Variants in FMN1 observed in about 807,000 individuals in gnomAD.
FMN1 encodes the protein formin-1.
FMN1 carries 110 observed loss-of-function variants against 132.4 expected under a neutral mutation model. That is an observed-to-expected ratio of 0.83 (90% CI 0.71 to 0.97). The LOEUF is 0.97. Ranked by LOEUF, FMN1 falls within the 50% of genes least tolerant of loss-of-function variation. The pLI is 0.00. For synonymous variants in FMN1, 722 were observed against 651.7 expected, an observed-to-expected ratio of 1.11 and a Z score of -1.64; for missense variants, 1,792 against 1,705.3, an observed-to-expected ratio of 1.05 and a Z score of -0.90.
At chr15:32,964,016 TAC>T (rs374980152) in intron 9 of FMN1, 89 bp downstream of exon 9, 10,833 of 507,190 alleles carry the variant, frequency 0.021, 38 homozygotes, top group South Asian at 0.029. Flanking sequence ...GTATATACGA[TAC>T]ACACACACAC....
chr15:32,987,830 T>C (rs904233069), intron 7 of FMN1, among the ~76,000 whole-genome samples: 2 of 152,128 alleles, frequency 1.3e-5, no homozygotes, highest in Admixed American at 6.6e-5. Flanking sequence ...GTACTAAAAC[T>C]TGGAGCTCAT....
At chr15:33,120,296 A>G (rs11072237) in intron 4 of FMN1, among the ~76,000 whole-genome samples, 15,976 of 152,218 alleles carry the variant, frequency 0.1, 888 homozygotes, top group Middle Eastern at 0.16. Flanking sequence ...TAAAGATAGC[A>G]GATGTGCTAA....
At chr15:32,863,946 C>G (rs2059335668) in intron 16 of FMN1, among the ~76,000 whole-genome samples, 1 of 152,126 alleles carries the variant, frequency 6.6e-6, no homozygotes. Context: ...TAATAAAATA[C>G]TAAAGTTAGA....
intron 16 of FMN1, among the ~76,000 whole-genome samples, chr15:32,859,458 C>A (rs1336448814): frequency 6.6e-6 from 1 of 152,218 alleles, no homozygotes; most frequent in African/African-American, 2.4e-5. Context: ...TCATGTGGTT[C>A]TCTGCTCTGC....
In FMN1 at chr15:32,830,814, A is replaced by G. The variant is rs1158528494; in HGVS notation, c.3928+26201T>C. 2.0e-5 allele frequency among the ~76,000 whole-genome samples: 3 copies of G among 152,168 alleles called. No individual in the cohort carries two copies. The East Asian group carries it at 5.8e-4, about 29-fold the overall frequency. ...CACATATGAAGAAAGGTGGAAATCA[A>G]TTAGGGGTAGGAGCAGCGAGGGCCC... On this transcript the variant is annotated intron_variant, in intron 17 of 20. Transcript: ENST00000616417.
intron 7 of FMN1, among the ~76,000 whole-genome samples, chr15:32,984,208 G>C (rs916023817): frequency 6.6e-5 from 10 of 151,684 alleles, no homozygotes; most frequent in Non-Finnish European, 8.8e-5. Flanking sequence ...TTTAAGTTTT[G>C]TTTTTCTTAA....
chr15:33,155,088 T>G lies in FMN1; in HGVS notation c.-131-43A>C. 5.2e-6 allele frequency: 3 copies of G among 581,924 alleles called. No individual in the cohort carries two copies. In the South Asian group the frequency reaches 6.7e-5, roughly 13 times the overall value. 36.0% of individuals were successfully genotyped at this position (581,924 alleles called of 1,614,324 possible). On this transcript the variant is annotated intron_variant, in intron 3 of 20. Coordinates refer to ENST00000616417, the MANE Select transcript of FMN1 (RefSeq NM_001277313.2). ...GAAGAAAGCAGCTTGTCTAACAGAG[T>G]GCATAAATCACACACCAACATAAAA...
chr15:33,067,692 C>A lies in FMN1; in HGVS notation c.2044-2618G>T, dbSNP rs144513408. 1.2e-5 allele frequency: 19 copies of A among 1,613,880 alleles called. No homozygotes were observed. The highest frequency in any genetic ancestry group is 1.4e-5 in the Non-Finnish European group (17 of 1,179,890). On this transcript the variant is annotated intron_variant, in intron 5 of 20. Coordinates refer to ENST00000616417, the MANE Select transcript of FMN1 (RefSeq NM_001277313.2). ...TCATCCTGCTGAGATGTGGGATTCA[C>A]GTCTAAACTATGGAATGCTTTCAGC...
intron 4 of FMN1, among the ~76,000 whole-genome samples, chr15:33,099,189 G>A (rs375247874): frequency 1.3e-5 from 2 of 152,190 alleles, no homozygotes; most frequent in Admixed American, 6.5e-5. Flanking sequence ...TACTCTGGAG[G>A]CTGAGGTGGG....
chr15:32,816,597 T>C (rs1284290612), intron 17 of FMN1, among the ~76,000 whole-genome samples: 1 of 152,202 alleles, frequency 6.6e-6, no homozygotes, highest in Non-Finnish European at 1.5e-5. Context: ...CCTAAGGTCA[T>C]ACAAATAGTT....
chr15:32,921,231 T>C (rs890534423), intron 10 of FMN1, among the ~76,000 whole-genome samples: 4 of 152,074 alleles, frequency 2.6e-5, no homozygotes, highest in African/African-American at 9.7e-5. Context: ...CCTAGCTACA[T>C]AGAGAGTGGG....
intron 7 of FMN1, among the ~76,000 whole-genome samples, chr15:33,007,731 G>C (rs1408906644): frequency 6.6e-6 from 1 of 152,100 alleles, no homozygotes; most frequent in Non-Finnish European, 1.5e-5. Flanking sequence ...TTATATAACA[G>C]CAGAAGTCTA....
chr15:32,817,507 T>C (rs996299859), intron 17 of FMN1, among the ~76,000 whole-genome samples: 1 of 152,230 alleles, frequency 6.6e-6, no homozygotes, highest in Non-Finnish European at 1.5e-5. Flanking sequence ...GCTCTGATGT[T>C]ACCAAGTATC....
intron 18 of FMN1, among the ~76,000 whole-genome samples, chr15:32,803,318 A>G (rs911697636): frequency 3.9e-5 from 6 of 152,192 alleles, no homozygotes; most frequent in African/African-American, 1.4e-4. Flanking sequence ...AAATATGAGA[A>G]TACCGCTGTC....
At chr15:32,969,532 A>G (rs1421024304) in intron 7 of FMN1, 55 bp from the exon 8 acceptor site, 1 of 1,564,072 alleles carries the variant, frequency 6.4e-7, no homozygotes, top group Non-Finnish European at 8.7e-7. Context: ...AACAAACTTA[A>G]GAATTTAGAA....
At chr15:32,863,498 C>G (rs1402910627) in intron 16 of FMN1, among the ~76,000 whole-genome samples, 1 of 152,160 alleles carries the variant, frequency 6.6e-6, no homozygotes, top group Non-Finnish European at 1.5e-5. Context: ...CTACTGAGCA[C>G]CTACTACGTG....
At chr15:32,807,824 T>C (rs559149572) in intron 17 of FMN1, among the ~76,000 whole-genome samples, 1 of 152,240 alleles carries the variant, frequency 6.6e-6, no homozygotes, top group South Asian at 2.1e-4. Flanking sequence ...GAGAAGAAAT[T>C]AGAGATTTAA....
At chr15:33,107,256 A>C (rs2039522690) in intron 4 of FMN1, among the ~76,000 whole-genome samples, 1 of 151,922 alleles carries the variant, frequency 6.6e-6, no homozygotes, top group African/African-American at 2.4e-5. Context: ...AGTCTACGCC[A>C]CTACCTCTCT....
chr15:33,029,436 TAGC>T (rs1193976239), intron 6 of FMN1, among the ~76,000 whole-genome samples: 7 of 151,940 alleles, frequency 4.6e-5, no homozygotes, highest in Admixed American at 6.5e-5. Flanking sequence ...ATACTTGAAA[TAGC>T]AGCTGTTGAG....
Sources: gnomAD v4.1 joint callset for allele counts (sites outside exome capture counted in the v4.1 genomes callset) on GRCh38, gnomAD v4.1.1 for gene constraint, MANE v1.5 for transcripts, NCBI Gene and HGNC (gene_info 2026-07-23, HGNC 2026-07-21) for gene names.